GPRC5C: variants seen among roughly 807,000 people sequenced by gnomAD.
GPRC5C encodes the protein G protein-coupled receptor family C group 5 member C.
GPRC5C carries 22 observed loss-of-function variants against 31.4 expected under a neutral mutation model. That is an observed-to-expected ratio of 0.70 (90% CI 0.50 to 1.00). The LOEUF (loss-of-function observed/expected upper bound fraction) is 1.00, where lower values mean the gene tolerates loss of function less well. Among genes scored for constraint, GPRC5C ranks in the 50% least tolerant of loss-of-function variants. The pLI, the probability that GPRC5C is intolerant of heterozygous loss-of-function variation, is 0.00. For synonymous variants in GPRC5C, 249 were observed against 257.5 expected (o/e 0.97, Z 0.32); for missense variants, 557 against 597.2 (o/e 0.93, Z 0.70).
At position 74,440,820 on chromosome 17, in the gene GPRC5C, G is replaced by A. The variant is rs369446069; in HGVS notation, c.1044G>A (p.Pro348=). 99 of 1,487,830 alleles carry A rather than the reference G, an allele frequency of 6.7e-5. No individual in the cohort carries two copies. The highest frequency in any genetic ancestry group is 8.8e-5 in the Admixed American group (4 of 45,242). 92.2% of individuals were successfully genotyped at this position (1,487,830 alleles called of 1,614,324 possible). A position where few individuals can be genotyped will look rare whatever the true frequency, so the allele number is the denominator to read the frequency against. ...ACAAGGCCTTTTCCATGGATGAGCCGGTTGCAGGTGGGTCTCTGTGGATGC... is the reference window on the plus strand; with the variant it reads ...ACAAGGCCTTTTCCATGGATGAGCCAGTTGCAGGTGGGTCTCTGTGGATGC... ...VENKAFSMDE[P]VAAKRPVSPY... Residue 348 remains proline (P), a synonymous_variant, in exon 2 of 4, where the codon CCG becomes CCA. Coordinates refer to ENST00000392627, the MANE Select transcript of GPRC5C (RefSeq NM_022036.4). The surrounding 1 kb of genome is among the most constrained non-coding windows in gnomAD (Gnocchi z 4.4).
At chr17:74,443,650 C>T in intron 2 of GPRC5C, 168 bp from the exon 3 acceptor site, 1 of 687,486 alleles carries the variant, frequency 1.5e-6, no homozygotes, top group Non-Finnish European at 2.7e-6. Context: ...CCCCCGTGTT[C>T]ACAACCTCAC....
intron 1 of GPRC5C, among the ~76,000 whole-genome samples, chr17:74,438,516 C>T (rs980691098): frequency 8.6e-5 from 13 of 151,930 alleles, no homozygotes; most frequent in African/African-American, 3.1e-4. Flanking sequence ...CAGTCTTGGC[C>T]TCCCAAAGTG....
intron 3 of GPRC5C, chr17:74,445,554 A>G (rs150193255): frequency 1.4e-4 from 21 of 152,614 alleles, no homozygotes; most frequent in African/African-American, 4.1e-4. Flanking sequence ...GGTGATTCCA[A>G]TGCACACTCA....
Position 74,440,629 on chromosome 17 carries a change from G to A in GPRC5C, c.853G>A (p.Ala285Thr), listed in dbSNP as rs371238683. 2.6e-5 allele frequency: 41 copies of A among 1,607,668 alleles called. No homozygotes were observed. Among genetic ancestry groups the A allele is most frequent in the South Asian group, 2.0e-4 (18 of 90,874 alleles). Residue 285 changes from alanine to threonine, a missense_variant, in exon 2 of 4, where the codon GCC (alanine) becomes ACC (threonine). By Grantham distance (58) the Ala-to-Thr change is moderately conservative. Transcript: ENST00000392627. The surrounding 1 kb of genome is among the most constrained non-coding windows in gnomAD (Gnocchi z 4.4). ...WDDPTLAIAL[A>T]ANAWAFVLFY... ...TGACCCCACGCTGGCCATCGCCCTC[G>A]CCGCCAATGCCTGGGCCTTCGTCCT...
At chr17:74,447,807 C>A (rs969885970), downstream of GPRC5C, among the ~76,000 whole-genome samples, 1 of 152,148 alleles carries the variant, frequency 6.6e-6, no homozygotes, top group Non-Finnish European at 1.5e-5. Flanking sequence ...AAGATGAACT[C>A]ATTTCAGCTT....
At chr17:74,448,883 C>A, downstream of GPRC5C, 1 of 1,289,802 alleles carries the variant, frequency 7.8e-7, no homozygotes, top group Non-Finnish European at 1.0e-6. Context: ...AAGACTCTGA[C>A]GTCCAGCAGC....
intron 1 of GPRC5C, chr17:74,433,555 G>A (rs1019510222): frequency 2.9e-6 from 2 of 697,536 alleles, no homozygotes; most frequent in East Asian, 2.6e-5. Flanking sequence ...GCACAGAGGG[G>A]TGAGACAGTG....
Position 74,446,920 on chromosome 17 carries a change from G to A in GPRC5C, c.1218G>A (p.Ser406=), listed in dbSNP as rs149267010. 2.2e-5 allele frequency: 35 copies of A among 1,613,976 alleles called. No homozygotes were observed. Among genetic ancestry groups the A allele is most frequent in the Middle Eastern group, 3.3e-4 (2 of 6,084 alleles). ...GCCAGGTGATGGGCAGTGCCAACTCGACCCTGCGGGCTGAAGACATGTACT... is the reference window on the plus strand; with the variant it reads ...GCCAGGTGATGGGCAGTGCCAACTCAACCCTGCGGGCTGAAGACATGTACT... ...ANSQVMGSAN[S]TLRAEDMYSA... Residue 406 remains serine (S), a synonymous_variant, in exon 4 of 4, where the codon TCG becomes TCA. Transcript: ENST00000392627.
In GPRC5C at chr17:74,440,165, G is replaced by T. The variant is rs917574082; in HGVS notation, c.389G>T (p.Cys130Phe). ...CTCTTTGGGGTTCTGTTCGCCATCT[G>T]CTTCTCTTGTCTGGCGGCTCACGTC... ...RFLFGVLFAI[C>F]FSCLAAHVFA... Residue 130 changes from cysteine to phenylalanine, a missense_variant, in exon 2 of 4, where the codon TGC becomes TTC. Cys to Phe is a radical substitution (Grantham distance 205, BLOSUM62 -2). Transcript: ENST00000392627. This position sits in a 1 kb window ranked among gnomAD's most constrained non-coding sequence, Gnocchi z 4.4. 1 of 1,614,176 alleles carries T rather than the reference G, an allele frequency of 6.2e-7. No individual in the cohort carries two copies. Among genetic ancestry groups the T allele is most frequent in the Non-Finnish European group, 8.5e-7 (1 of 1,180,028 alleles).
chr17:74,448,657 GCATGATCCACCACTCTCGGCC>G (rs2055678195), downstream of GPRC5C, among the ~76,000 whole-genome samples: 1 of 152,222 alleles, frequency 6.6e-6, no homozygotes, highest in African/African-American at 2.4e-5. Flanking sequence ...AGGGTTACAG[GCATGATCCACCACTCTCGGCC>G]CATCAGCTCA....
At chr17:74,442,724 A>G (rs2055560277) in intron 2 of GPRC5C, among the ~76,000 whole-genome samples, 1 of 152,178 alleles carries the variant, frequency 6.6e-6, no homozygotes, top group Non-Finnish European at 1.5e-5. Flanking sequence ...TGCTTTGGAG[A>G]AAGAGATGAC....
chr17:74,449,779 T>TC (rs1436259434), downstream of GPRC5C: 1 of 173,408 alleles, frequency 5.8e-6, no homozygotes, highest in Non-Finnish European at 1.2e-5. Context: ...GGCCCTGCCA[T>TC]CTTGGTGTCT....
chr17:74,433,497 C>T (rs1417134067), intron 1 of GPRC5C, among the ~76,000 whole-genome samples: 1 of 152,216 alleles, frequency 6.6e-6, no homozygotes, highest in East Asian at 1.9e-4. Context: ...CAGGCACAGG[C>T]GTCTCCTGTG....
At chr17:74,442,033 C>T (rs180754377) in intron 2 of GPRC5C, among the ~76,000 whole-genome samples, 29 of 152,192 alleles carry the variant, frequency 1.9e-4, no homozygotes, top group African/African-American at 6.5e-4. Context: ...GACGGAGTCT[C>T]GCTCTGTCAC....
At chr17:74,447,851 C>T (rs567957406), downstream of GPRC5C, among the ~76,000 whole-genome samples, 6 of 152,266 alleles carry the variant, frequency 3.9e-5, no homozygotes, top group East Asian at 1.9e-4. Flanking sequence ...GATCCCATAG[C>T]GGACAAAGTG....
At chr17:74,443,971 G>C (rs1567963602) in intron 3 of GPRC5C, 59 bp downstream of exon 3, 1 of 1,200,878 alleles carries the variant, frequency 8.3e-7, no homozygotes, top group South Asian at 1.3e-5. Flanking sequence ...AGCCTCAGCA[G>C]GCCAGTGGGA....
rs772068574 is a variant in GPRC5C at position 74,440,352 on chromosome 17, C to T, written c.576C>T (p.Ser192=). 6.2e-7 allele frequency: 1 copy of T among 1,614,178 alleles called. No individual in the cohort carries two copies. The highest frequency in any genetic ancestry group is 8.5e-7 in the Non-Finnish European group (1 of 1,180,030). The change falls in exon 2 of 4, where the codon AGC becomes AGT. Residue 192 remains serine (S), a synonymous_variant. Coordinates refer to ENST00000392627, the MANE Select transcript of GPRC5C (RefSeq NM_022036.4). This position sits in a 1 kb window ranked among gnomAD's most constrained non-coding sequence, Gnocchi z 4.4. ...GCGAGGGCGGCCCTCAGGGCAACAG[C>T]AGCGCAGGCTGGGCCGTGGCCTCCC... ...GSGEGGPQGN[S]SAGWAVASPC... is the part of the protein sequence containing the mutation.
In GPRC5C at chr17:74,432,315, G is replaced by A. The variant is rs1227349552; in HGVS notation, c.-33+174G>A. 8.3e-6 allele frequency: 12 copies of A among 1,441,190 alleles called. No homozygotes were observed. The South Asian group carries it at 1.2e-4, about 14-fold the overall frequency. 89.3% of individuals were successfully genotyped at this position (1,441,190 alleles called of 1,614,324 possible). ...GAGCCCTGCCTGGGGACAGGCCCGCGCGAGAGCGAGCAACCCAGCGCGCCT... is the reference window on the plus strand; with the variant it reads ...GAGCCCTGCCTGGGGACAGGCCCGCACGAGAGCGAGCAACCCAGCGCGCCT... On this transcript the variant is annotated intron_variant, in intron 1 of 3. Transcript: ENST00000392627.
downstream of GPRC5C, chr17:74,450,957 G>C (rs539932197): frequency 6.6e-6 from 1 of 152,258 alleles, no homozygotes; most frequent in Admixed American, 6.5e-5. Context: ...TGCTACCCCC[G>C]TCCCCAGCAG....
Sources: gnomAD v4.1 joint callset for allele counts (sites outside exome capture counted in the v4.1 genomes callset) on GRCh38, gnomAD v4.1.1 for gene constraint, Gnocchi (gnomAD v3.1) non-coding constraint, MANE v1.5 for transcripts, NCBI Gene and HGNC (gene_info 2026-07-23, HGNC 2026-07-21) for gene names.